Variants in CARF observed in about 807,000 individuals in gnomAD.
CARF encodes the protein calcium-responsive transcription factor.
Under a neutral mutation model 82.0 loss-of-function variants are expected in CARF, and 57 were observed. The ratio of observed to expected loss-of-function variants is 0.70; its 90% CI spans 0.56 to 0.87. CARF has a LOEUF of 0.87. CARF is among the 40% of genes least tolerant of loss of function. The pLI, the probability that CARF is intolerant of heterozygous loss-of-function variation, is 0.00. For missense variants in CARF, 771 were observed against 855.8 expected, an observed-to-expected ratio of 0.90 and a Z score of 1.24; for synonymous variants, 268 against 290.1, an observed-to-expected ratio of 0.92 and a Z score of 0.77.
Position 202,974,449 on chromosome 2 carries a change from T to A in CARF, c.1447T>A (p.Leu483Met). ...KNHIHEVQKS[L>M]RNGDTVYNSE... ...TCACATCCATGAGGTACAGAAATCCTTGAGAAATGGAGATACGGTATATAA... is the reference window on the plus strand; with the variant it reads ...TCACATCCATGAGGTACAGAAATCCATGAGAAATGGAGATACGGTATATAA... Residue 483 changes from leucine (L) to methionine (M), a missense_variant, in exon 13 of 17, where the codon TTG becomes ATG. Transcript: ENST00000438828. 1.2e-6 allele frequency: 2 copies of A among 1,607,020 alleles called. No homozygotes were observed. The highest frequency in any genetic ancestry group is 1.7e-6 in the Non-Finnish European group (2 of 1,178,286).
At chr2:202,933,360 C>T (rs1203008288) in intron 3 of CARF, among the ~76,000 whole-genome samples, 1 of 152,170 alleles carries the variant, frequency 6.6e-6, no homozygotes, top group Non-Finnish European at 1.5e-5. Context: ...ACAGTAGCTA[C>T]ATGAACTACA....
intron 3 of CARF, among the ~76,000 whole-genome samples, chr2:202,941,076 A>G (rs1158442851): frequency 6.6e-6 from 1 of 152,006 alleles, no homozygotes; most frequent in Non-Finnish European, 1.5e-5. Flanking sequence ...AAATTCAAAA[A>G]CCATCCAGAA....
At chr2:202,932,129 T>A (rs1693049532) in intron 3 of CARF, among the ~76,000 whole-genome samples, 1 of 151,538 alleles carries the variant, frequency 6.6e-6, no homozygotes, top group South Asian at 2.1e-4. Flanking sequence ...AACAACGAGA[T>A]CTCACTATCT....
chr2:202,951,549 A>T (rs1483151917), intron 5 of CARF, among the ~76,000 whole-genome samples: 1 of 152,068 alleles, frequency 6.6e-6, no homozygotes, highest in Non-Finnish European at 1.5e-5. Context: ...GAAGTCTGGA[A>T]GCATCAGATA....
intron 10 of CARF, among the ~76,000 whole-genome samples, chr2:202,969,164 A>T (rs2059674217): frequency 6.6e-6 from 1 of 152,184 alleles, no homozygotes; most frequent in Non-Finnish European, 1.5e-5. Context: ...ATAGTGACAC[A>T]TGCCTGTAAT....
At position 202,924,291 on chromosome 2, in the gene CARF, T is replaced by C. The variant is rs753476729; in HGVS notation, c.-162-6T>C. On this transcript the variant is annotated splice_polypyrimidine_tract_variant and splice_region_variant and intron_variant, in intron 2 of 16. Transcript: ENST00000438828. ...TTTCTTTTATATTTTGTACTGTTTG[T>C]TTCAGGTTTAATATATCTTTGCCAA... is the stretch of plus-strand genomic sequence containing the variant. The C allele has an allele frequency of 6.6e-6, 1 of 152,218 alleles. No individual in the cohort carries two copies. Among genetic ancestry groups the C allele is most frequent in the Non-Finnish European group, 1.5e-5 (1 of 68,034 alleles). The allele number at this position is 152,218 out of a possible 1,614,324, so 9.4% of individuals were successfully genotyped here.
At chr2:202,978,366 T>C (rs985640249) in intron 14 of CARF, among the ~76,000 whole-genome samples, 2 of 152,172 alleles carry the variant, frequency 1.3e-5, no homozygotes, top group African/African-American at 4.8e-5. Context: ...TAGGGACTCC[T>C]TAAAAAGTGT....
intron 3 of CARF, among the ~76,000 whole-genome samples, chr2:202,926,663 C>A (rs1255870693): frequency 6.6e-6 from 1 of 152,140 alleles, no homozygotes; most frequent in Non-Finnish European, 1.5e-5. Context: ...GGATGATATA[C>A]AATACATAGA....
intron 3 of CARF, among the ~76,000 whole-genome samples, chr2:202,940,919 C>G (rs2058198879): frequency 6.6e-6 from 1 of 151,842 alleles, no homozygotes; most frequent in Non-Finnish European, 1.5e-5. Context: ...TTTCGGTCAA[C>G]TTTCTGTTTT....
intron 3 of CARF, among the ~76,000 whole-genome samples, chr2:202,939,927 C>A (rs1559211570): frequency 6.6e-6 from 1 of 152,054 alleles, no homozygotes; most frequent in Non-Finnish European, 1.5e-5. Context: ...TGGTGTCAAG[C>A]AATCCTCTTG....
intron 6 of CARF, 48 bp from the exon 7 acceptor site, chr2:202,953,957 T>G: frequency 6.5e-7 from 1 of 1,538,934 alleles, no homozygotes; most frequent in Non-Finnish European, 8.7e-7. Context: ...ATTCTTATGG[T>G]CTTATTCAAG....
chr2:202,987,661 T>C lies in CARF; in HGVS notation c.*4037T>C, dbSNP rs2060488213. Among the ~76,000 whole-genome samples the C allele has an allele frequency of 6.6e-6, 1 of 152,192 alleles. No homozygotes were observed. The highest frequency in any genetic ancestry group is 2.4e-5 in the African/African-American group (1 of 41,450). ...ACTTTGGGAATAGAAAAAACACATT[T>C]ATTAATGGATGCTAAAGTGATTCCT... On this transcript the variant is annotated 3_prime_UTR_variant, in exon 17 of 17. Transcript: ENST00000438828.
At chr2:202,929,716 G>A (rs72936882) in intron 3 of CARF, among the ~76,000 whole-genome samples, 13,546 of 152,004 alleles carry the variant, frequency 0.089, 742 homozygotes, top group Non-Finnish European at 0.12. Context: ...GTTTCTATTT[G>A]TGTGAAGACT....
chr2:202,961,298 C>T lies in CARF; in HGVS notation c.704C>T (p.Thr235Ile), dbSNP rs1191120759. Residue 235 changes from threonine to isoleucine, a missense_variant, in exon 9 of 17, where the codon ACA becomes ATA. Coordinates refer to ENST00000438828, the MANE Select transcript of CARF (RefSeq NM_024744.17). ...VSETELESVLTFHKQQTQSVW... is the reference protein window; with the variant it reads ...VSETELESVLIFHKQQTQSVW... ...GAGACTGAATTAGAAAGTGTCCTAA[C>T]ATTTCACAAGCAGCAAACACAGAGT... The T allele has an allele frequency of 6.2e-7, 1 of 1,614,180 alleles. No individual in the cohort carries two copies. The highest frequency in any genetic ancestry group is 8.5e-7 in the Non-Finnish European group (1 of 1,180,004).
chr2:202,941,117 T>C (rs965260687), intron 3 of CARF, among the ~76,000 whole-genome samples: 6 of 152,116 alleles, frequency 3.9e-5, no homozygotes, highest in Non-Finnish European at 7.4e-5. Context: ...TTTACTTCTA[T>C]AGCCCAAGGT....
intron 3 of CARF, among the ~76,000 whole-genome samples, chr2:202,940,494 A>C (rs1168153182): frequency 6.6e-6 from 1 of 152,004 alleles, no homozygotes; most frequent in Non-Finnish European, 1.5e-5. Flanking sequence ...CATGGTGGCT[A>C]ATTTCCTGTT....
chr2:202,980,616 G>GTATATATA (rs34656288), intron 14 of CARF, among the ~76,000 whole-genome samples: 708 of 42,048 alleles, frequency 0.017, 61 homozygotes, highest in Non-Finnish European at 0.022. Flanking sequence ...CGTCTTTCAA[G>GTATATATA]TATATATATA....
At chr2:202,964,232 T>C (rs538816670) in intron 9 of CARF, among the ~76,000 whole-genome samples, 1 of 152,236 alleles carries the variant, frequency 6.6e-6, no homozygotes, top group Non-Finnish European at 1.5e-5. Context: ...TTTCCCCACT[T>C]TTACTTCATG....
chr2:202,950,666 G>A (rs574669959), intron 5 of CARF, among the ~76,000 whole-genome samples: 28 of 152,262 alleles, frequency 1.8e-4, no homozygotes, highest in South Asian at 6.2e-4. Context: ...AAATAGCTCT[G>A]TGTAACCTTC....
Sources: allele counts gnomAD v4.1 joint callset (sites outside exome capture counted in the v4.1 genomes callset), GRCh38; gene constraint gnomAD v4.1.1; transcripts MANE v1.5; gene names NCBI Gene and HGNC (gene_info 2026-07-23, HGNC 2026-07-21).